The following UNC5C variants were observed in gnomAD, a reference collection of about 807,000 sequenced individuals.
UNC5C encodes unc-5 netrin receptor C.
In UNC5C, 47 loss-of-function variants were observed where a neutral mutation model predicts 99.8. The observed-to-expected ratio is 0.47, with a 90% CI of 0.37 to 0.60. The LOEUF (loss-of-function observed/expected upper bound fraction) is 0.60, where lower values mean the gene tolerates loss of function less well. UNC5C is among the 20% of genes least tolerant of loss of function. The pLI is 0.00. For synonymous variants in UNC5C, 487 were observed against 452.2 expected (o/e 1.08, Z -0.98); for missense variants, 1,062 against 1,165.9 (o/e 0.91, Z 1.30).
intron 4 of UNC5C, among the ~76,000 whole-genome samples, chr4:95,266,613 T>C (rs1009339297): frequency 6.6e-6 from 1 of 152,188 alleles, no homozygotes; most frequent in Non-Finnish European, 1.5e-5. Context: ...GTCAGAACCA[T>C]TGGCTGCCTA....
intron 1 of UNC5C, among the ~76,000 whole-genome samples, chr4:95,390,366 T>C (rs543722412): frequency 6.8e-6 from 1 of 147,660 alleles, no homozygotes; most frequent in African/African-American, 2.5e-5. Flanking sequence ...CTCTACAGCA[T>C]TTTCATTCTT....
At chr4:95,420,104 A>C (rs1207008923) in intron 1 of UNC5C, among the ~76,000 whole-genome samples, 1 of 152,178 alleles carries the variant, frequency 6.6e-6, no homozygotes, top group Admixed American at 6.5e-5. Flanking sequence ...TCCATAAGCA[A>C]TTAGTATGTG....
chr4:95,173,301 G>T (rs1282345234), intron 14 of UNC5C, among the ~76,000 whole-genome samples: 8 of 113,802 alleles, frequency 7.0e-5, no homozygotes, highest in Admixed American at 1.9e-4. Flanking sequence ...GTGAGAGAGG[G>T]CATCCCTGTC....
intron 1 of UNC5C, among the ~76,000 whole-genome samples, chr4:95,369,143 G>A (rs56249523): frequency 0.33 from 49,971 of 151,798 alleles, 9,684 homozygotes; most frequent in African/African-American, 0.53. Flanking sequence ...ACAGGCATGA[G>A]CCACTGCGAC....
chr4:95,398,492 A>C (rs1204152145), intron 1 of UNC5C, among the ~76,000 whole-genome samples: 2 of 152,178 alleles, frequency 1.3e-5, no homozygotes, highest in Non-Finnish European at 2.9e-5. Context: ...CAAGGTAATA[A>C]GGAAAGTTCT....
rs1217612379 is a variant in UNC5C, at chr4:95,330,664, A to G, written c.346+4746T>C. Among the ~76,000 whole-genome samples, 3 of 152,036 alleles carry G rather than the reference A, an allele frequency of 2.0e-5. No individual in the cohort carries two copies. The East Asian group carries it at 5.8e-4, about 29-fold the overall frequency. On this transcript the variant is annotated intron_variant, in intron 2 of 15. Coordinates refer to ENST00000453304, the MANE Select transcript of UNC5C (RefSeq NM_003728.4). ...ATACATTTTCCAGGAGTAAAAAATC[A>G]CATAATTTGTCATAAATGATAATTT...
intron 1 of UNC5C, among the ~76,000 whole-genome samples, chr4:95,438,443 A>C (rs1746851693): frequency 6.3e-5 from 2 of 31,756 alleles, no homozygotes; most frequent in South Asian, 1.8e-3. Context: ...CTCTTTTTGA[A>C]AATATCATAT....
At chr4:95,464,525 T>G (rs1170971113) in intron 1 of UNC5C, among the ~76,000 whole-genome samples, 5 of 152,198 alleles carry the variant, frequency 3.3e-5, no homozygotes, top group Non-Finnish European at 7.3e-5. Context: ...TAGAGCTATT[T>G]TAAATTCCTT....
At chr4:95,277,130 A>G (rs1026531748) in intron 4 of UNC5C, among the ~76,000 whole-genome samples, 3 of 152,060 alleles carry the variant, frequency 2.0e-5, no homozygotes, top group African/African-American at 7.2e-5. Context: ...TAATTGCTTT[A>G]TGGACTATGT....
intron 1 of UNC5C, among the ~76,000 whole-genome samples, chr4:95,525,297 T>C (rs1722468111): frequency 6.6e-6 from 1 of 152,142 alleles, no homozygotes; most frequent in Non-Finnish European, 1.5e-5. Flanking sequence ...ATAAATTATA[T>C]CTGCTTTATA....
intron 7 of UNC5C, among the ~76,000 whole-genome samples, chr4:95,235,955 G>C (rs988627038): frequency 9.2e-5 from 14 of 152,184 alleles, no homozygotes; most frequent in African/African-American, 3.4e-4. Flanking sequence ...AGAGGATGTG[G>C]AGAAATAGGA....
At chr4:95,339,221 A>C (rs1743463157) in intron 1 of UNC5C, among the ~76,000 whole-genome samples, 1 of 152,108 alleles carries the variant, frequency 6.6e-6, no homozygotes, top group African/African-American at 2.4e-5. Context: ...AATGGTGTGC[A>C]AGGGAAGGTG....
chr4:95,474,058 C>T (rs1748056058), intron 1 of UNC5C, among the ~76,000 whole-genome samples: 1 of 152,086 alleles, frequency 6.6e-6, no homozygotes, highest in Admixed American at 6.6e-5. Flanking sequence ...CCTAAACTTT[C>T]AATGATAAAT....
At chr4:95,360,964 T>C (rs1487439123) in intron 1 of UNC5C, among the ~76,000 whole-genome samples, 2 of 152,298 alleles carry the variant, frequency 1.3e-5, no homozygotes, top group East Asian at 3.9e-4. Context: ...GGTTATTTTT[T>C]AGGAAGGCAT....
intron 1 of UNC5C, among the ~76,000 whole-genome samples, chr4:95,402,522 G>A (rs1006920506): frequency 6.6e-6 from 1 of 152,152 alleles, no homozygotes; most frequent in Non-Finnish European, 1.5e-5. Flanking sequence ...TGATCACACA[G>A]ATAAATAGGA....
At chr4:95,306,217 T>A (rs1343916687) in intron 2 of UNC5C, among the ~76,000 whole-genome samples, 1 of 152,126 alleles carries the variant, frequency 6.6e-6, no homozygotes, top group Non-Finnish European at 1.5e-5. Flanking sequence ...TTATTTATTT[T>A]TTTGAGACGG....
At chr4:95,394,763 A>G (rs1050180276) in intron 1 of UNC5C, among the ~76,000 whole-genome samples, 1 of 151,884 alleles carries the variant, frequency 6.6e-6, no homozygotes, top group Non-Finnish European at 1.5e-5. Context: ...TTGCTGCAAG[A>G]CACCAGTAAA....
Position 95,479,943 on chromosome 4 carries a change from T to G in UNC5C, c.124+68791A>C, listed in dbSNP as rs911668972. On this transcript the variant is annotated intron_variant, in intron 1 of 15. Coordinates refer to ENST00000453304, the MANE Select transcript of UNC5C (RefSeq NM_003728.4). ...GAAGGACTGAATAGAACAAAAAGGC[T>G]GAGTAACAGAAAATTCTGTCTCTTT... Among the ~76,000 whole-genome samples, 5 of 148,828 alleles carry G rather than the reference T, an allele frequency of 3.4e-5. No individual in the cohort carries two copies. The South Asian group carries it at 1.1e-3, about 32-fold the overall frequency.
At chr4:95,531,346 G>GC (rs1722636711) in intron 1 of UNC5C, among the ~76,000 whole-genome samples, 1 of 152,146 alleles carries the variant, frequency 6.6e-6, no homozygotes. Flanking sequence ...TTATGTCAAA[G>GC]CAAGATTCAG....
Sources: gnomAD v4.1 joint callset for allele counts (sites outside exome capture counted in the v4.1 genomes callset) on GRCh38, gnomAD v4.1.1 for gene constraint, MANE v1.5 for transcripts, NCBI Gene and HGNC (gene_info 2026-07-23, HGNC 2026-07-21) for gene names.